The following SOX6 variants were observed in gnomAD, a reference collection of about 807,000 sequenced individuals.
SOX6 encodes the protein transcription factor SOX-6.
A neutral mutation model predicts 97.8 loss-of-function variants in SOX6; 11 were observed. The ratio of observed to expected loss-of-function variants is 0.11; its 90% CI spans 0.07 to 0.19. The LOEUF is 0.19. Ranked by LOEUF, SOX6 falls within the 10% of genes least tolerant of loss-of-function variation. The pLI is 1.00. For missense variants in SOX6, 810 were observed against 1,039.5 expected (o/e 0.78, Z 3.04); for synonymous variants, 360 against 371.4 (o/e 0.97, Z 0.35).
intron 2 of SOX6, among the ~76,000 whole-genome samples, chr11:16,716,210 C>T (rs1023452024): frequency 4.6e-5 from 7 of 151,872 alleles, no homozygotes; most frequent in East Asian, 1.9e-4. Flanking sequence ...CACTCTAGTC[C>T]GGGTGACAGA....
intron 6 of SOX6, among the ~76,000 whole-genome samples, chr11:16,163,202 T>C (rs1385649868): frequency 6.6e-6 from 1 of 152,158 alleles, no homozygotes; most frequent in Non-Finnish European, 1.5e-5. Flanking sequence ...TTTAATGAAA[T>C]TTCTGTTTCT....
At position 16,508,607 on chromosome 11, in the gene SOX6, C is replaced by T. The variant is rs376448487; in HGVS notation, n.610-32219G>A. Among the ~76,000 whole-genome samples, 6 of 149,928 alleles carry T rather than the reference C, an allele frequency of 4.0e-5. No homozygotes were observed. The East Asian group carries it at 6.0e-4, about 15-fold the overall frequency. ...GAAAGAAAAATACTGCATGTTCTCC[C>T]GCATACATGAGAGGTAAAAAAAAAA... On this transcript the variant is annotated intron_variant and non_coding_transcript_variant, in intron 4 of 5. Transcript: ENST00000524520.
intron 3 of SOX6, among the ~76,000 whole-genome samples, chr11:16,632,963 G>A (rs1565198962): frequency 6.6e-6 from 1 of 152,186 alleles, no homozygotes; most frequent in Non-Finnish European, 1.5e-5. Flanking sequence ...AGGAAGGGTA[G>A]GGTTGCTCAG....
intron 4 of SOX6, among the ~76,000 whole-genome samples, chr11:16,586,688 C>G (rs1848097816): frequency 1.3e-5 from 2 of 151,948 alleles, no homozygotes; most frequent in Non-Finnish European, 2.9e-5. Context: ...CCACTGCACT[C>G]CAGCCTGGGT....
chr11:16,124,337 A>T (rs568937183), intron 6 of SOX6, among the ~76,000 whole-genome samples: 1 of 152,266 alleles, frequency 6.6e-6, no homozygotes, highest in African/African-American at 2.4e-5. Context: ...GTATGTGTGT[A>T]TGTACATGTG....
chr11:16,373,845 A>G (rs868521427), intron 1 of SOX6, among the ~76,000 whole-genome samples: 1 of 11,910 alleles, frequency 8.4e-5, no homozygotes, highest in Non-Finnish European at 2.3e-4. Flanking sequence ...GGAAGGAAGG[A>G]AGGAAGGAAG....
chr11:16,017,603 C>T (rs1366677501), intron 12 of SOX6, among the ~76,000 whole-genome samples: 1 of 152,042 alleles, frequency 6.6e-6, no homozygotes, highest in Non-Finnish European at 1.5e-5. Context: ...CTACAAGTTA[C>T]GTCTGGGCAG....
At position 16,210,024 on chromosome 11, in the gene SOX6, C is replaced by G. The variant is rs76639350; in HGVS notation, c.536-23069G>C. Among the ~76,000 whole-genome samples the G allele has an allele frequency of 9.2e-3, 1,404 of 152,086 alleles. 26 individuals are homozygous for G. Among genetic ancestry groups the G allele is most frequent in the African/African-American group, 0.032 (1,316 of 41,478 alleles). ...GACAGTATGTGGAGAAAGTGAAACC[C>G]ACATACACTACTGGTTGGAATGTAA... is the stretch of plus-strand genomic sequence containing the variant. On this transcript the variant is annotated intron_variant, in intron 4 of 15. Coordinates refer to ENST00000683767, the MANE Select transcript of SOX6 (RefSeq NM_001367873.1).
intron 4 of SOX6, among the ~76,000 whole-genome samples, chr11:16,572,597 C>T (rs1477576123): frequency 1.3e-5 from 2 of 152,164 alleles, no homozygotes; most frequent in African/African-American, 2.4e-5. Flanking sequence ...GACTTCTCAT[C>T]TCTTCACTTG....
chr11:16,091,412 C>T, intron 9 of SOX6, among the ~76,000 whole-genome samples: 1 of 151,944 alleles, frequency 6.6e-6, no homozygotes, highest in East Asian at 1.9e-4. Context: ...CCTCCCATTC[C>T]CCCACACCAC....
intron 4 of SOX6, among the ~76,000 whole-genome samples, chr11:16,528,318 A>G (rs536831213): frequency 6.1e-4 from 93 of 152,256 alleles, no homozygotes; most frequent in African/African-American, 2.2e-3. Flanking sequence ...TACATAAGTT[A>G]TCTCACTTAC....
intron 3 of SOX6, among the ~76,000 whole-genome samples, chr11:16,691,424 GA>G (rs1848012332): frequency 6.6e-6 from 1 of 152,158 alleles, no homozygotes; most frequent in Non-Finnish European, 1.5e-5. Flanking sequence ...CAAAGAGAAA[GA>G]TTTTTTCTTC....
At chr11:16,310,580 G>A (rs879703599) in intron 3 of SOX6, among the ~76,000 whole-genome samples, 2 of 152,046 alleles carry the variant, frequency 1.3e-5, no homozygotes, top group Admixed American at 6.6e-5. Flanking sequence ...GAATTTAAAT[G>A]AAGTTGTATC....
In SOX6 at chr11:16,341,222, T is replaced by G. The variant is rs771713051; in HGVS notation, c.27A>C (p.Pro9=). 10 of 1,613,164 alleles carry G rather than the reference T, an allele frequency of 6.2e-6. No individual in the cohort carries two copies. The African/African-American group carries it at 9.4e-5, about 15-fold the overall frequency. ...CCTCTCCATCAGCTGCACAGGCAAA[T>G]GGAGAGGTGGCTTGCTTGGAAGACA... MSSKQATS[P]FACAADGEDA... The change falls in exon 2 of 16, where the codon CCA becomes CCC. Residue 9 remains proline (P), a synonymous_variant. Transcript: ENST00000683767.
intron 3 of SOX6, among the ~76,000 whole-genome samples, chr11:16,648,951 C>T (rs922464421): frequency 4.0e-5 from 6 of 151,844 alleles, no homozygotes; most frequent in African/African-American, 1.5e-4. Flanking sequence ...AAATGAAAGA[C>T]ACACTTAGAG....
At chr11:16,455,202 A>T (rs1590210354) in intron 1 of SOX6, among the ~76,000 whole-genome samples, 2 of 152,124 alleles carry the variant, frequency 1.3e-5, no homozygotes, top group South Asian at 4.1e-4. Context: ...TCTCAATTTG[A>T]TTTCTTTACT....
At chr11:16,201,324 A>G (rs1297188206) in intron 4 of SOX6, among the ~76,000 whole-genome samples, 2 of 152,128 alleles carry the variant, frequency 1.3e-5, no homozygotes, top group Non-Finnish European at 2.9e-5. Context: ...GTTTCTGACA[A>G]GGTAATATTA....
chr11:16,653,389 G>A (rs1049223942), intron 3 of SOX6, among the ~76,000 whole-genome samples: 2 of 152,076 alleles, frequency 1.3e-5, no homozygotes, highest in African/African-American at 4.8e-5. Flanking sequence ...CCAACAAGTA[G>A]ATAAAGAAAA....
At chr11:16,573,644 A>G (rs1241589032) in intron 4 of SOX6, among the ~76,000 whole-genome samples, 2 of 152,220 alleles carry the variant, frequency 1.3e-5, no homozygotes, top group Non-Finnish European at 2.9e-5. Context: ...CGAAACTAAA[A>G]TAGTGGCTGT....
Sources: allele counts gnomAD v4.1 joint callset (sites outside exome capture counted in the v4.1 genomes callset), GRCh38; gene constraint gnomAD v4.1.1; transcripts MANE v1.5; gene names NCBI Gene and HGNC (gene_info 2026-07-23, HGNC 2026-07-21).